The following STXBP5L variants were observed in gnomAD, a reference collection of about 807,000 sequenced individuals.
STXBP5L encodes the protein syntaxin-binding protein 5-like.
Under a neutral mutation model 144.5 loss-of-function variants are expected in STXBP5L, and 65 were observed. The observed-to-expected ratio is 0.45, with a 90% CI of 0.37 to 0.55. The LOEUF (loss-of-function observed/expected upper bound fraction) is 0.55, where lower values mean the gene tolerates loss of function less well. STXBP5L is among the 20% of genes least tolerant of loss of function. The probability of loss-of-function intolerance (pLI) is 0.00; values close to 1 mark genes in which losing one functional copy is unlikely to be tolerated. For missense variants in STXBP5L, 1,298 were observed against 1,405.5 expected, an observed-to-expected ratio of 0.92 and a Z score of 1.22; for synonymous variants, 505 against 469.6, an observed-to-expected ratio of 1.08 and a Z score of -0.97.
intron 3 of STXBP5L, among the ~76,000 whole-genome samples, chr3:120,984,722 C>T (rs1576574432): frequency 1.4e-5 from 2 of 144,334 alleles, no homozygotes; most frequent in African/African-American, 5.2e-5. Context: ...AGTAGGCATC[C>T]TTTTCTTATT....
intron 3 of STXBP5L, among the ~76,000 whole-genome samples, chr3:120,993,087 T>G (rs964738384): frequency 1.8e-4 from 27 of 152,126 alleles, no homozygotes; most frequent in Non-Finnish European, 3.5e-4. Flanking sequence ...TTTTGACCAT[T>G]TGTATGTCTT....
At chr3:121,189,433 T>A (rs1020140957) in intron 9 of STXBP5L, among the ~76,000 whole-genome samples, 1 of 152,242 alleles carries the variant, frequency 6.6e-6, no homozygotes, top group Admixed American at 6.5e-5. Flanking sequence ...TTCAGCTCTC[T>A]ACAGATGGCT....
chr3:121,114,993 A>G lies in STXBP5L; in HGVS notation c.539A>G (p.His180Arg). ...LYVGTERGNT[H>R]IVNIESFILS... ...GTTGGAACAGAAAGAGGAAATACAC[A>G]TATTGTAAATATTGAATCTTTCATT... Residue 180 changes from histidine (H) to arginine (R), a missense_variant, in exon 6 of 27, where the codon CAT (histidine) becomes CGT (arginine). Coordinates refer to ENST00000471454, the MANE Select transcript of STXBP5L (RefSeq NM_001308330.2). The G allele has an allele frequency of 6.2e-7, 1 of 1,602,056 alleles. No homozygotes were observed. Among genetic ancestry groups the G allele is most frequent in the Non-Finnish European group, 8.5e-7 (1 of 1,175,280 alleles).
At chr3:121,022,759 T>C (rs1439303467) in intron 3 of STXBP5L, among the ~76,000 whole-genome samples, 1 of 152,070 alleles carries the variant, frequency 6.6e-6, no homozygotes, top group Non-Finnish European at 1.5e-5. Flanking sequence ...GGGACGTATC[T>C]TAAGGTAAAG....
chr3:121,357,847 G>T (rs1047606744), intron 20 of STXBP5L: 4 of 152,120 alleles, frequency 2.6e-5, no homozygotes, highest in Non-Finnish European at 4.4e-5. Context: ...GCATACAAAA[G>T]AGCCACAACC....
chr3:121,349,364 T>A (rs987709236), intron 20 of STXBP5L, among the ~76,000 whole-genome samples: 9 of 151,716 alleles, frequency 5.9e-5, no homozygotes, highest in South Asian at 2.1e-4. Context: ...TGCTGAGGAG[T>A]GCTTTACTTC....
At chr3:121,067,779 AGTT>A (rs2041616460) in intron 5 of STXBP5L, among the ~76,000 whole-genome samples, 1 of 152,062 alleles carries the variant, frequency 6.6e-6, no homozygotes, top group South Asian at 2.1e-4. Context: ...TTTGAATCTA[AGTT>A]GTTGGATGTA....
intron 5 of STXBP5L, among the ~76,000 whole-genome samples, chr3:121,054,903 CAG>C (rs1948339023): frequency 6.6e-6 from 1 of 151,920 alleles, no homozygotes; most frequent in African/African-American, 2.4e-5. Context: ...TGTGGATGGA[CAG>C]AGTGTTTTTA....
chr3:121,037,027 G>A (rs1946808686), intron 3 of STXBP5L, among the ~76,000 whole-genome samples: 1 of 151,832 alleles, frequency 6.6e-6, no homozygotes. Context: ...CCTGGGCTCA[G>A]GCAATCCTCC....
chr3:121,206,189 C>A (rs2048330352), intron 10 of STXBP5L, among the ~76,000 whole-genome samples, 188 bp downstream of exon 10: 1 of 152,030 alleles, frequency 6.6e-6, no homozygotes, highest in Non-Finnish European at 1.5e-5. Flanking sequence ...TTATAAATTA[C>A]AAGTGTTAAT....
intron 12 of STXBP5L, among the ~76,000 whole-genome samples, chr3:121,238,521 A>G (rs990564230): frequency 1.3e-5 from 2 of 152,182 alleles, no homozygotes; most frequent in South Asian, 4.1e-4. Context: ...GGGGACAAAC[A>G]TCCAAACCAT....
intron 16 of STXBP5L, among the ~76,000 whole-genome samples, chr3:121,255,841 G>A (rs539510669): frequency 1.3e-5 from 2 of 152,074 alleles, no homozygotes; most frequent in African/African-American, 2.4e-5. Context: ...TCTAAATGAA[G>A]CCACCTATAA....
rs548118496 is a variant in STXBP5L, at chr3:121,344,093, C to G, written c.2176+25553C>G. On this transcript the variant is annotated intron_variant, in intron 20 of 26. Transcript: ENST00000471454. ...ACAACAGAGCCCTCAGAAATAACGC[C>G]ACATATCTACAACTATCTGATCTTT... 4.0e-5 allele frequency among the ~76,000 whole-genome samples: 6 copies of G among 151,524 alleles called. No individual in the cohort carries two copies. The East Asian group carries it at 1.2e-3, about 29-fold the overall frequency.
In STXBP5L at chr3:121,010,530, C is replaced by T. The variant is rs558552205; in HGVS notation, c.288-31170C>T. ...AGCAGAAGAAACTATCACTGAGCTT[C>T]TCACTAGCAGATAATAGTTGACCCT... On this transcript the variant is annotated intron_variant, in intron 3 of 26. Coordinates refer to ENST00000471454, the MANE Select transcript of STXBP5L (RefSeq NM_001308330.2). 2.0e-5 allele frequency among the ~76,000 whole-genome samples: 3 copies of T among 151,546 alleles called. No homozygotes were observed. The South Asian group carries it at 6.2e-4, about 31-fold the overall frequency.
At chr3:121,290,097 A>C (rs1308715762) in intron 19 of STXBP5L, among the ~76,000 whole-genome samples, 2 of 152,204 alleles carry the variant, frequency 1.3e-5, no homozygotes, top group Non-Finnish European at 2.9e-5. Context: ...AAAATACAAA[A>C]GATAAATGAA....
intron 11 of STXBP5L, among the ~76,000 whole-genome samples, chr3:121,231,747 A>AG (rs148327213): frequency 2.0e-5 from 3 of 152,324 alleles, no homozygotes; most frequent in Non-Finnish European, 2.9e-5. Flanking sequence ...AGTACCTAAA[A>AG]GGGCTGGAGG....
intron 14 of STXBP5L, 48 bp from the exon 15 acceptor site, chr3:121,250,675 A>G: frequency 6.8e-7 from 1 of 1,480,334 alleles, no homozygotes; most frequent in Non-Finnish European, 9.3e-7. Context: ...AGTGATTATG[A>G]TTTTTATTTA....
chr3:120,960,198 A>C (rs940642164), intron 3 of STXBP5L, among the ~76,000 whole-genome samples: 37 of 152,132 alleles, frequency 2.4e-4, no homozygotes, highest in Admixed American at 1.8e-3. Flanking sequence ...GCAAATCAAA[A>C]CCACAATGAG....
intron 3 of STXBP5L, among the ~76,000 whole-genome samples, chr3:121,035,391 G>A (rs1261738384): frequency 6.6e-6 from 1 of 152,116 alleles, no homozygotes; most frequent in African/African-American, 2.4e-5. Flanking sequence ...TTTGTATATA[G>A]TGAGAGATAG....
Sources: gnomAD v4.1 joint callset for allele counts (sites outside exome capture counted in the v4.1 genomes callset) on GRCh38, gnomAD v4.1.1 for gene constraint, MANE v1.5 for transcripts, NCBI Gene and HGNC (gene_info 2026-07-23, HGNC 2026-07-21) for gene names.